Variants in ATP10B observed in about 807,000 individuals in gnomAD.
ATP10B encodes the protein phospholipid-transporting ATPase VB.
Under a neutral mutation model 141.2 loss-of-function variants are expected in ATP10B, and 122 were observed. The observed-to-expected ratio is 0.86, with a 90% confidence interval of 0.75 to 1.00. The LOEUF (loss-of-function observed/expected upper bound fraction) is 1.00, where lower values mean the gene tolerates loss of function less well. Among genes scored for constraint, ATP10B ranks in the 50% least tolerant of loss-of-function variants. The probability of loss-of-function intolerance (pLI) is 0.00; values close to 1 mark genes in which losing one functional copy is unlikely to be tolerated. For synonymous variants in ATP10B, 685 were observed against 692.0 expected (o/e 0.99, Z 0.16); for missense variants, 1,876 against 1,825.3 (o/e 1.03, Z -0.51).
intron 24 of ATP10B, among the ~76,000 whole-genome samples, chr5:160,587,881 C>T (rs564538282): frequency 6.6e-6 from 1 of 152,202 alleles, no homozygotes; most frequent in Non-Finnish European, 1.5e-5. Context: ...CTCCATAGCC[C>T]AGGCTGGAGT....
intron 2 of ATP10B, among the ~76,000 whole-genome samples, chr5:160,746,447 A>G (rs1331264900): frequency 6.7e-6 from 1 of 150,048 alleles, no homozygotes; most frequent in East Asian, 2.0e-4. Context: ...GCTGGAGTAT[A>G]GTGGTGTGAT....
intron 2 of ATP10B, among the ~76,000 whole-genome samples, chr5:160,760,015 C>G (rs1399468479): frequency 2.0e-5 from 3 of 152,132 alleles, no homozygotes; most frequent in African/African-American, 7.2e-5. Flanking sequence ...TGGACTCTGT[C>G]TTTTACATTT....
At chr5:160,798,091 A>G (rs1459153364) in intron 1 of ATP10B, among the ~76,000 whole-genome samples, 1 of 152,158 alleles carries the variant, frequency 6.6e-6, no homozygotes, top group East Asian at 1.9e-4. Flanking sequence ...AGAAGGATCC[A>G]GTCAAGCCAA....
intron 7 of ATP10B, among the ~76,000 whole-genome samples, chr5:160,653,112 T>A (rs1326589139): frequency 7.8e-6 from 1 of 128,874 alleles, no homozygotes; most frequent in Non-Finnish European, 1.6e-5. Flanking sequence ...ATATATAACA[T>A]ATACATGTAT....
intron 1 of ATP10B, among the ~76,000 whole-genome samples, chr5:160,818,369 C>G (rs1302986008): frequency 6.6e-6 from 1 of 152,182 alleles, no homozygotes; most frequent in African/African-American, 2.4e-5. Flanking sequence ...CAAAAGAAGA[C>G]ATTGATGCAG....
rs112208905 is a variant in ATP10B, at chr5:160,831,923, C to T, written c.-576+20018G>A. ...TTCCCAGAGTCTCTATCTCTAAAAA[C>T]GAAAGTAGGTGAGTAAAGTATACTG... On this transcript the variant is annotated intron_variant, in intron 1 of 25. Coordinates refer to ENST00000327245, the MANE Select transcript of ATP10B (RefSeq NM_025153.3). Among the ~76,000 whole-genome samples, 489 of 152,094 alleles carry T rather than the reference C, an allele frequency of 3.2e-3. 3 individuals are homozygous for T. Among genetic ancestry groups the T allele is most frequent in the African/African-American group, 0.011 (460 of 41,508 alleles).
the ATP10B span, among the ~76,000 whole-genome samples, chr5:160,900,934 T>A: frequency 1.6e-4 from 18 of 112,588 alleles, no homozygotes; most frequent in African/African-American, 4.6e-4. Context: ...TTTTTTTTTT[T>A]AAGTCTTATA....
chr5:160,701,960 A>T (rs564654207), intron 3 of ATP10B, among the ~76,000 whole-genome samples: 36 of 150,700 alleles, frequency 2.4e-4, no homozygotes, highest in Admixed American at 1.8e-3. Context: ...GGGAGCAGTC[A>T]CTACTCTACC....
intron 6 of ATP10B, 55 bp downstream of exon 6, chr5:160,686,024 T>C: frequency 7.7e-7 from 1 of 1,303,198 alleles, no homozygotes; most frequent in South Asian, 1.8e-5. Flanking sequence ...GAGGCTATGC[T>C]GATGAGTTTG....
the ATP10B span, among the ~76,000 whole-genome samples, chr5:160,911,399 A>G: frequency 2.0e-5 from 3 of 152,258 alleles, no homozygotes; most frequent in African/African-American, 7.2e-5. Context: ...GGATTTGGTG[A>G]GAGAAAAGAA....
the ATP10B span, among the ~76,000 whole-genome samples, chr5:160,905,317 T>C: frequency 1.3e-5 from 2 of 152,246 alleles, no homozygotes; most frequent in East Asian, 3.8e-4. Context: ...ATAGCCCAGC[T>C]TGGCATTTAA....
chr5:160,620,321 T>C, intron 15 of ATP10B, 26 bp downstream of exon 15: 3 of 1,581,676 alleles, frequency 1.9e-6, no homozygotes, highest in Non-Finnish European at 2.6e-6. Flanking sequence ...TCTCTGTGCC[T>C]GGAACCCTGG....
At chr5:160,653,959 G>A (rs1179662845) in intron 7 of ATP10B, among the ~76,000 whole-genome samples, 1 of 132,448 alleles carries the variant, frequency 7.6e-6, no homozygotes, top group Non-Finnish European at 1.6e-5. Flanking sequence ...ATAAATATAT[G>A]TTGTATATAC....
chr5:160,907,989 G>A, the ATP10B span, among the ~76,000 whole-genome samples: 1 of 152,160 alleles, frequency 6.6e-6, no homozygotes, highest in Non-Finnish European at 1.5e-5. Context: ...CTACAGGTTG[G>A]ATGATGGTCT....
chr5:160,799,930 T>A (rs1009643723), intron 1 of ATP10B, among the ~76,000 whole-genome samples: 1 of 152,206 alleles, frequency 6.6e-6, no homozygotes, highest in Admixed American at 6.6e-5. Flanking sequence ...CTTTACCAGT[T>A]GTAACAAGGA....
In ATP10B at chr5:160,565,445, G is replaced by A. The variant is rs1366765112; in HGVS notation, c.*8C>T. 6.2e-7 allele frequency: 1 copy of A among 1,613,168 alleles called. No individual in the cohort carries two copies. On this transcript the variant is annotated 3_prime_UTR_variant, in exon 26 of 26. Transcript: ENST00000327245. ...CTCTGTTGAGTTTGTACAGATTTCT[G>A]CAGCTCCTCATATGGTCAGTGAACT...
intron 2 of ATP10B, among the ~76,000 whole-genome samples, chr5:160,738,276 G>A (rs1044747529): frequency 2.0e-5 from 3 of 152,064 alleles, no homozygotes; most frequent in Non-Finnish European, 2.9e-5. Context: ...AGCTAAATGA[G>A]TGTTTGAGAA....
chr5:160,830,007 G>A (rs998059667), intron 1 of ATP10B, among the ~76,000 whole-genome samples: 5 of 152,122 alleles, frequency 3.3e-5, no homozygotes, highest in South Asian at 2.1e-4. Flanking sequence ...AGTGGTGGGA[G>A]TGGGCATCCT....
At chr5:160,869,456 C>T in the ATP10B span, among the ~76,000 whole-genome samples, 5 of 152,016 alleles carry the variant, frequency 3.3e-5, no homozygotes, top group Non-Finnish European at 5.9e-5. Context: ...AGTCCTATAA[C>T]TGCCTTTTTA....
Sources: allele counts gnomAD v4.1 joint callset (sites outside exome capture counted in the v4.1 genomes callset), GRCh38; gene constraint gnomAD v4.1.1; transcripts MANE v1.5; gene names NCBI Gene and HGNC (gene_info 2026-07-23, HGNC 2026-07-21).